LIN7A: variants seen among roughly 807,000 people sequenced by gnomAD.
LIN7A encodes lin-7 cell polarity scaffold A.
In LIN7A, 25 loss-of-function variants were observed where a neutral mutation model predicts 29.8. The observed-to-expected ratio is 0.84, with a 90% CI of 0.61 to 1.17. The LOEUF is 1.17. Among genes scored for constraint, LIN7A ranks in the 50% most tolerant of loss-of-function variants. The pLI, the probability that LIN7A is intolerant of heterozygous loss-of-function variation, is 0.00. For synonymous variants in LIN7A, 118 were observed against 107.5 expected (o/e 1.10, Z -0.60); for missense variants, 239 against 287.0 (o/e 0.83, Z 1.21).
intron 3 of LIN7A, chr12:80,848,018 T>C: frequency 3.2e-6 from 2 of 628,358 alleles, no homozygotes; most frequent in South Asian, 3.2e-5. Flanking sequence ...AAATGGACAT[T>C]AAGTGAGTTT....
chr12:80,897,670 T>C (rs1875979309), intron 1 of LIN7A, among the ~76,000 whole-genome samples: 1 of 151,930 alleles, frequency 6.6e-6, no homozygotes, highest in African/African-American at 2.4e-5. Context: ...GCCGGCGTGG[T>C]GGTGGGCGCT....
At chr12:80,835,892 G>T (rs1370097748) in intron 4 of LIN7A, among the ~76,000 whole-genome samples, 2 of 151,762 alleles carry the variant, frequency 1.3e-5, no homozygotes, top group African/African-American at 4.8e-5. Context: ...TAAATATGAT[G>T]ACAGAAAAAA....
intron 3 of LIN7A, among the ~76,000 whole-genome samples, chr12:80,847,571 T>C (rs1873136944): frequency 6.6e-6 from 1 of 152,228 alleles, no homozygotes; most frequent in Admixed American, 6.5e-5. Flanking sequence ...GTTTCTATTA[T>C]AACATTTGTG....
intron 4 of LIN7A, among the ~76,000 whole-genome samples, chr12:80,819,954 T>C (rs1010811973): frequency 6.6e-6 from 1 of 152,210 alleles, no homozygotes; most frequent in Non-Finnish European, 1.5e-5. Flanking sequence ...ATTTGGGAAG[T>C]AAAAGTTTAC....
At chr12:80,806,125 T>C (rs1002913329) in intron 5 of LIN7A, among the ~76,000 whole-genome samples, 1 of 151,872 alleles carries the variant, frequency 6.6e-6, no homozygotes, top group African/African-American at 2.4e-5. Flanking sequence ...CCTCCAGCCA[T>C]GATTCTGTGG....
rs373938898 is a variant in LIN7A, at chr12:80,928,408, G to A, written c.82+9233C>T. Among the ~76,000 whole-genome samples, 54 of 152,244 alleles carry A rather than the reference G, an allele frequency of 3.5e-4. 1 individual carries two copies. The highest frequency in any genetic ancestry group is 1.3e-3 in the African/African-American group (54 of 41,544). The stretch of plus-strand genomic sequence containing the variant: ...TAATGATCGCCATTCTAACTGGTGT[G>A]AGATGGCATCCCATTGTGGATTTGA... On this transcript the variant is annotated intron_variant, in intron 1 of 5. Coordinates refer to ENST00000552864, the MANE Select transcript of LIN7A (RefSeq NM_004664.4).
intron 2 of LIN7A, among the ~76,000 whole-genome samples, chr12:80,872,757 G>T (rs2120508044): frequency 6.6e-6 from 1 of 152,312 alleles, no homozygotes; most frequent in South Asian, 2.1e-4. Flanking sequence ...TGCGGCAGTA[G>T]TTGGCTCTGT....
chr12:80,883,517 C>G (rs184256658), intron 2 of LIN7A, among the ~76,000 whole-genome samples: 5 of 152,194 alleles, frequency 3.3e-5, no homozygotes, highest in African/African-American at 1.2e-4. Context: ...TTCGATTCAG[C>G]TTATGGAAAC....
intron 4 of LIN7A, among the ~76,000 whole-genome samples, chr12:80,839,584 C>G (rs1403879301): frequency 1.3e-5 from 2 of 152,094 alleles, no homozygotes; most frequent in Non-Finnish European, 2.9e-5. Flanking sequence ...TAGTTCATAG[C>G]AATTAAAAAA....
intron 1 of LIN7A, among the ~76,000 whole-genome samples, chr12:80,894,430 A>T (rs960809615): frequency 6.6e-6 from 1 of 152,162 alleles, no homozygotes; most frequent in Non-Finnish European, 1.5e-5. Context: ...TGCATATTAC[A>T]CTTGCCCCTT....
At chr12:80,919,497 C>A (rs1013208184) in intron 1 of LIN7A, among the ~76,000 whole-genome samples, 3 of 152,180 alleles carry the variant, frequency 2.0e-5, no homozygotes, top group African/African-American at 7.2e-5. Context: ...GAGTGGCAAG[C>A]ACTCACTGAT....
At chr12:80,840,849 A>G (rs542946802) in intron 4 of LIN7A, among the ~76,000 whole-genome samples, 1 of 152,298 alleles carries the variant, frequency 6.6e-6, no homozygotes, top group South Asian at 2.1e-4. Context: ...CATGGTACTC[A>G]TATTTTGAAA....
intron 2 of LIN7A, among the ~76,000 whole-genome samples, chr12:80,851,551 T>C (rs1873335028): frequency 6.6e-6 from 1 of 152,138 alleles, no homozygotes; most frequent in African/African-American, 2.4e-5. Flanking sequence ...CATGCCTATC[T>C]TACTTTTCAA....
intron 4 of LIN7A, among the ~76,000 whole-genome samples, chr12:80,816,483 T>A (rs1489997883): frequency 6.6e-6 from 1 of 150,678 alleles, no homozygotes; most frequent in Non-Finnish European, 1.5e-5. Context: ...TATACAATAG[T>A]TATATATATA....
intron 1 of LIN7A, among the ~76,000 whole-genome samples, chr12:80,930,609 T>C (rs1348601857): frequency 6.6e-6 from 1 of 152,234 alleles, no homozygotes; most frequent in Non-Finnish European, 1.5e-5. Context: ...TTCAGTTGTA[T>C]TCTGACATTA....
intron 2 of LIN7A, among the ~76,000 whole-genome samples, chr12:80,858,303 A>T (rs1462118912): frequency 1.3e-5 from 2 of 152,160 alleles, no homozygotes; most frequent in Non-Finnish European, 2.9e-5. Context: ...TTTTAAAGCT[A>T]TGCTATTAAT....
At chr12:80,862,126 C>T (rs971961832) in intron 2 of LIN7A, among the ~76,000 whole-genome samples, 1 of 152,152 alleles carries the variant, frequency 6.6e-6, no homozygotes, top group African/African-American at 2.4e-5. Context: ...GAGGTTATAA[C>T]TGTCTCAACT....
In LIN7A at chr12:80,822,883, G is replaced by A. The variant is rs919023938; in HGVS notation, c.484-11200C>T. Reference sequence around the variant, plus strand: ...GGTGAAGCCCCACCTTCAAGCCAGGGACAGCCTGAAGCCCAGGGGCTGGGC... The same window carrying A: ...GGTGAAGCCCCACCTTCAAGCCAGGAACAGCCTGAAGCCCAGGGGCTGGGC... On this transcript the variant is annotated intron_variant, in intron 4 of 5. Coordinates refer to ENST00000552864, the MANE Select transcript of LIN7A (RefSeq NM_004664.4). 3.9e-5 allele frequency among the ~76,000 whole-genome samples: 6 copies of A among 152,114 alleles called. No individual in the cohort carries two copies. In the East Asian group the frequency reaches 1.2e-3, roughly 30 times the overall value.
intron 1 of LIN7A, among the ~76,000 whole-genome samples, chr12:80,927,155 C>CTTTTTCTTTTTTTT (rs1246361470): frequency 1.7e-4 from 13 of 75,534 alleles, no homozygotes; most frequent in Non-Finnish European, 2.3e-4. Flanking sequence ...TTTTCTTTTT[C>CTTTTTCTTTTTTTT]TTTTTTTTTT....
Sources: allele counts gnomAD v4.1 joint callset (sites outside exome capture counted in the v4.1 genomes callset), GRCh38; gene constraint gnomAD v4.1.1; transcripts MANE v1.5; gene names NCBI Gene and HGNC (gene_info 2026-07-23, HGNC 2026-07-21).